Variants in XPR1 observed in about 807,000 individuals in gnomAD.
The protein encoded by XPR1 is xenotropic and polytropic retrovirus receptor 1.
A neutral mutation model predicts 87.5 loss-of-function variants in XPR1; 28 were observed. That is an observed-to-expected ratio of 0.32 (90% CI 0.24 to 0.44). The LOEUF (loss-of-function observed/expected upper bound fraction) is 0.44. Among genes scored for constraint, XPR1 ranks in the 20% least tolerant of loss-of-function variants. The pLI is 1.00. For synonymous variants in XPR1, 300 were observed against 306.1 expected, an observed-to-expected ratio of 0.98 and a Z score of 0.21; for missense variants, 559 against 862.3, an observed-to-expected ratio of 0.65 and a Z score of 4.41.
intron 3 of XPR1, among the ~76,000 whole-genome samples, chr1:180,794,875 A>C (rs1192078805): frequency 6.6e-6 from 1 of 152,222 alleles, no homozygotes; most frequent in African/African-American, 2.4e-5. Context: ...TGCTGGTTAG[A>C]GAGAAAAGTG....
chr1:180,675,181 A>G (rs1456003779), intron 1 of XPR1, among the ~76,000 whole-genome samples: 5 of 152,218 alleles, frequency 3.3e-5, no homozygotes, highest in Non-Finnish European at 7.3e-5. Context: ...AGAATCACAG[A>G]AACAGTCTGT....
chr1:180,756,735 C>G lies in XPR1; in HGVS notation c.122-31018C>G, dbSNP rs556195850. Among the ~76,000 whole-genome samples the G allele has an allele frequency of 1.6e-4, 25 of 152,060 alleles. No homozygotes were observed. The South Asian group carries it at 5.0e-3, about 30-fold the overall frequency. Reference sequence around the variant, plus strand: ...ATGAAGATTTTCTTATTTTTATTTTCTAAGAGCAATGTAATGATAGCATTG... The same window carrying G: ...ATGAAGATTTTCTTATTTTTATTTTGTAAGAGCAATGTAATGATAGCATTG... On this transcript the variant is annotated intron_variant, in intron 2 of 14. Coordinates refer to ENST00000367590, the MANE Select transcript of XPR1 (RefSeq NM_004736.4).
At chr1:180,732,705 A>C (rs1396394896) in intron 2 of XPR1, among the ~76,000 whole-genome samples, 1 of 152,212 alleles carries the variant, frequency 6.6e-6, no homozygotes, top group Non-Finnish European at 1.5e-5. Flanking sequence ...CCCAGTGGGC[A>C]TGTGTTACCA....
Position 180,632,068 on chromosome 1 carries a change from T to G in XPR1, c.-134T>G. ...GCGGGCGGGCTGCTCTGAAGAGACCTCGGCGGCGGCGGAGGAGGAGAGAAG... is the reference window on the plus strand; with the variant it reads ...GCGGGCGGGCTGCTCTGAAGAGACCGCGGCGGCGGCGGAGGAGGAGAGAAG... On this transcript the variant is annotated 5_prime_UTR_variant, in exon 1 of 15. Coordinates refer to ENST00000367590, the MANE Select transcript of XPR1 (RefSeq NM_004736.4). 1 of 1,046,558 alleles carries G rather than the reference T, an allele frequency of 9.6e-7. No individual in the cohort carries two copies. Among genetic ancestry groups the G allele is most frequent in the South Asian group, 1.4e-5 (1 of 73,506 alleles). 64.8% of individuals were successfully genotyped at this position (1,046,558 alleles called of 1,614,324 possible). A position where few individuals can be genotyped will look rare whatever the true frequency, so the allele number is the denominator to read the frequency against.
chr1:180,849,780 G>A (rs1651804552), intron 11 of XPR1, among the ~76,000 whole-genome samples: 1 of 152,116 alleles, frequency 6.6e-6, no homozygotes, highest in Non-Finnish European at 1.5e-5. Context: ...TTCATAAGGA[G>A]GTTTTAAGGA....
chr1:180,701,527 T>C (rs1657331450), intron 2 of XPR1, among the ~76,000 whole-genome samples: 1 of 140,908 alleles, frequency 7.1e-6, no homozygotes, highest in Non-Finnish European at 1.5e-5. Flanking sequence ...ATTTATTGAT[T>C]TGTGTATATT....
chr1:180,661,926 A>T (rs1655793290), intron 1 of XPR1, among the ~76,000 whole-genome samples: 2 of 152,158 alleles, frequency 1.3e-5, no homozygotes, highest in African/African-American at 4.8e-5. Context: ...ACTGATGACA[A>T]CACTGACTGC....
At position 180,887,533 on chromosome 1, in the gene XPR1, A is replaced by T. The variant is rs1177572605; in HGVS notation, c.*3467A>T. 1 of 152,224 alleles carries T rather than the reference A, an allele frequency of 6.6e-6. No homozygotes were observed. The highest frequency in any genetic ancestry group is 2.4e-5 in the African/African-American group (1 of 41,456). 9.4% of individuals were successfully genotyped at this position (152,224 alleles called of 1,614,324 possible). On this transcript the variant is annotated 3_prime_UTR_variant, in exon 15 of 15. Transcript: ENST00000367590. The stretch of plus-strand genomic sequence containing the variant: ...ATACAGAGAAACAATGAAATCAAAG[A>T]TTAAATCATTAGGTTATGATGGTCA...
At chr1:180,637,285 G>T (rs1013541835) in intron 1 of XPR1, among the ~76,000 whole-genome samples, 7 of 152,112 alleles carry the variant, frequency 4.6e-5, no homozygotes, top group African/African-American at 1.7e-4. Context: ...CCAGTTATGG[G>T]TGCATAATTA....
At chr1:180,749,677 A>G (rs1192048013) in intron 2 of XPR1, among the ~76,000 whole-genome samples, 1 of 150,042 alleles carries the variant, frequency 6.7e-6, no homozygotes, top group Non-Finnish European at 1.5e-5. Context: ...ACACACACAC[A>G]CGGAGCTGGT....
intron 1 of XPR1, among the ~76,000 whole-genome samples, chr1:180,674,574 T>TA (rs916627904): frequency 2.0e-5 from 3 of 151,454 alleles, no homozygotes; most frequent in African/African-American, 7.3e-5. Flanking sequence ...TTTTTTTTTT[T>TA]AAGAGACAGG....
rs148224724 is a variant in XPR1, at chr1:180,712,327, A to G, written c.121+29916A>G. Among the ~76,000 whole-genome samples the G allele has an allele frequency of 3.9e-5, 6 of 152,330 alleles. No homozygotes were observed. The East Asian group carries it at 1.2e-3, about 29-fold the overall frequency. On this transcript the variant is annotated intron_variant, in intron 2 of 14. Transcript: ENST00000367590. Reference sequence around the variant, plus strand: ...GTGTTGTTCCCTATACGAAGGGATGATTCTCATCCCAGGCAAAATGGAGCA... The same window carrying G: ...GTGTTGTTCCCTATACGAAGGGATGGTTCTCATCCCAGGCAAAATGGAGCA...
chr1:180,656,398 TA>T (rs373585823), intron 1 of XPR1, among the ~76,000 whole-genome samples: 21 of 40,884 alleles, frequency 5.1e-4, no homozygotes, highest in African/African-American at 2.2e-3. Context: ...TATTTATATA[TA>T]AATATTTATA....
chr1:180,735,254 C>T (rs1039166234), intron 2 of XPR1, among the ~76,000 whole-genome samples: 5 of 152,162 alleles, frequency 3.3e-5, no homozygotes, highest in Non-Finnish European at 5.9e-5. Context: ...CATTATGGCT[C>T]TTGCTAGATG....
chr1:180,684,624 G>A (rs1244904376), intron 2 of XPR1, among the ~76,000 whole-genome samples: 1 of 152,132 alleles, frequency 6.6e-6, no homozygotes, highest in African/African-American at 2.4e-5. Flanking sequence ...CCATGAGCAT[G>A]GAATGTTCTT....
In XPR1 at chr1:180,655,964, C is replaced by G. The variant is rs1422039132; in HGVS notation, c.69+23694C>G. ...AGCTATTCTCTCTCTTACAAACAAT[C>G]TAATTATCCTCTCTTAGTTATTTTA... is the stretch of plus-strand genomic sequence containing the variant. On this transcript the variant is annotated intron_variant, in intron 1 of 14. Transcript: ENST00000367590. Among the ~76,000 whole-genome samples the G allele has an allele frequency of 2.0e-5, 3 of 151,998 alleles. No homozygotes were observed. The East Asian group carries it at 5.8e-4, about 29-fold the overall frequency.
chr1:180,797,415 A>G (rs1392895199), intron 3 of XPR1, among the ~76,000 whole-genome samples: 2 of 152,180 alleles, frequency 1.3e-5, no homozygotes, highest in Non-Finnish European at 2.9e-5. Flanking sequence ...AGCCTTGCAA[A>G]ACGAGTAAGG....
At chr1:180,654,073 C>G (rs1294912526) in intron 1 of XPR1, among the ~76,000 whole-genome samples, 1 of 152,048 alleles carries the variant, frequency 6.6e-6, no homozygotes, top group Non-Finnish European at 1.5e-5. Flanking sequence ...TTGTTTACCT[C>G]AAAGAATTAT....
At chr1:180,668,429 T>C (rs1207895023) in intron 1 of XPR1, among the ~76,000 whole-genome samples, 1 of 152,162 alleles carries the variant, frequency 6.6e-6, no homozygotes, top group Non-Finnish European at 1.5e-5. Flanking sequence ...GCACCCAGCC[T>C]GTTTCCCTCT....
Sources: allele counts gnomAD v4.1 joint callset (sites outside exome capture counted in the v4.1 genomes callset), GRCh38; gene constraint gnomAD v4.1.1; transcripts MANE v1.5; gene names NCBI Gene and HGNC (gene_info 2026-07-23, HGNC 2026-07-21).